Variants in PTPRS observed in about 807,000 individuals in gnomAD.
PTPRS encodes the protein protein tyrosine phosphatase receptor type S.
Under a neutral mutation model 215.3 loss-of-function variants are expected in PTPRS, and 63 were observed. That is an observed-to-expected ratio of 0.29 (90% confidence interval 0.24 to 0.36). The LOEUF is 0.36. Among genes scored for constraint, PTPRS ranks in the 10% least tolerant of loss-of-function variants. The pLI is 1.00. For synonymous variants in PTPRS, 1,404 were observed against 1,191.4 expected, an observed-to-expected ratio of 1.18 and a Z score of -3.68; for missense variants, 2,258 against 2,825.8, an observed-to-expected ratio of 0.80 and a Z score of 4.56.
intron 1 of PTPRS, among the ~76,000 whole-genome samples, chr19:5,324,510 A>G (rs2050119199): frequency 1.3e-5 from 2 of 152,124 alleles, no homozygotes; most frequent in Admixed American, 1.3e-4. Context: ...GCGGCAGCTG[A>G]TCAGACCAGG....
At chr19:5,214,156 G>A (rs1479289025) in intron 30 of PTPRS, among the ~76,000 whole-genome samples, 1 of 152,232 alleles carries the variant, frequency 6.6e-6, no homozygotes, top group African/African-American at 2.4e-5. Context: ...TTCTCCTGCC[G>A]TGGGTGGAAA....
At chr19:5,327,189 G>T (rs917141937) in intron 1 of PTPRS, among the ~76,000 whole-genome samples, 2 of 152,188 alleles carry the variant, frequency 1.3e-5, no homozygotes, top group African/African-American at 4.8e-5. Context: ...CACTCCAAGC[G>T]CAACTCAATA....
intron 1 of PTPRS, among the ~76,000 whole-genome samples, chr19:5,310,827 TC>T (rs1232064899): frequency 1.3e-5 from 2 of 152,162 alleles, no homozygotes; most frequent in East Asian, 3.8e-4. Context: ...CACCTCAGCC[TC>T]CTGAGTAGCT....
chr19:5,221,374 A>G, intron 19 of PTPRS, 121 bp from the exon 20 acceptor site: 1 of 1,346,682 alleles, frequency 7.4e-7, no homozygotes, highest in Non-Finnish European at 1.0e-6. Context: ...TGCCCTAGGC[A>G]GAAATCTAAC....
intron 1 of PTPRS, among the ~76,000 whole-genome samples, chr19:5,331,128 TAAAAA>T (rs1041351468): frequency 5.0e-5 from 5 of 100,160 alleles, no homozygotes; most frequent in African/African-American, 8.6e-5. Flanking sequence ...CTTCTTTTTT[TAAAAA>T]AAAAAAAAAA....
At chr19:5,229,840 G>A (rs866854371) in intron 14 of PTPRS, among the ~76,000 whole-genome samples, 156 bp from the exon 15 acceptor site, 2 of 151,982 alleles carry the variant, frequency 1.3e-5, no homozygotes, top group Admixed American at 1.3e-4. Context: ...GGAGGACATG[G>A]CCTCCTGCAC....
intron 10 of PTPRS, 40 bp downstream of exon 10, chr19:5,245,736 G>A: frequency 6.5e-7 from 1 of 1,530,400 alleles, no homozygotes; most frequent in Non-Finnish European, 8.8e-7. Flanking sequence ...ATCGACTCCA[G>A]CCTGCCCCTC....
At chr19:5,225,065 T>TA (rs1300367964) in intron 17 of PTPRS, among the ~76,000 whole-genome samples, 2 of 151,988 alleles carry the variant, frequency 1.3e-5, no homozygotes, top group Non-Finnish European at 2.9e-5. Context: ...ACCCTCCCCT[T>TA]ACATCTTCAC....
At chr19:5,292,080 C>T (rs1362052441) in intron 1 of PTPRS, among the ~76,000 whole-genome samples, 1 of 152,150 alleles carries the variant, frequency 6.6e-6, no homozygotes, top group East Asian at 1.9e-4. Context: ...CAGGGTGGAT[C>T]AAGACCCATT....
At chr19:5,214,216 T>C in intron 30 of PTPRS, 145 bp downstream of exon 30, 1 of 1,187,622 alleles carries the variant, frequency 8.4e-7, no homozygotes, top group Non-Finnish European at 1.2e-6. Context: ...GGAAGTGGGT[T>C]CCATGAGAAT....
intron 9 of PTPRS, among the ~76,000 whole-genome samples, chr19:5,248,214 G>C (rs946888986): frequency 6.6e-6 from 1 of 152,052 alleles, no homozygotes; most frequent in Non-Finnish European, 1.5e-5. Context: ...AAATGAGCGT[G>C]GGGGGAGCTA....
intron 17 of PTPRS, among the ~76,000 whole-genome samples, chr19:5,224,382 T>C (rs1283187087): frequency 6.6e-6 from 1 of 152,144 alleles, no homozygotes; most frequent in Non-Finnish European, 1.5e-5. Context: ...CCTCCTTCCA[T>C]TAATAAGGCA....
intron 1 of PTPRS, among the ~76,000 whole-genome samples, chr19:5,291,094 GA>G (rs1158222318): frequency 2.6e-5 from 4 of 152,048 alleles, no homozygotes; most frequent in Non-Finnish European, 5.9e-5. Flanking sequence ...GAAGTCCGGG[GA>G]CCTGGCTTTA....
chr19:5,218,293 C>T lies in PTPRS; in HGVS notation c.4048+127G>A, dbSNP rs903505870. 12 of 783,838 alleles carry T rather than the reference C, an allele frequency of 1.5e-5. No homozygotes were observed. In the African/African-American group the frequency reaches 1.9e-4, roughly 13 times the overall value. The allele number at this position is 783,838 out of a possible 1,614,324, so 48.6% of individuals were successfully genotyped here. ...GTAGGGTTGGAGGTATTTGGGAATC[C>T]AGAATGTGGCTGCACCAAGCATAGT... On this transcript the variant is annotated intron_variant, in intron 25 of 37. Transcript: ENST00000262963.
In PTPRS at chr19:5,316,559, A is replaced by G. The variant is rs997196875; in HGVS notation, c.-95+24105T>C. Among the ~76,000 whole-genome samples, 10 of 151,874 alleles carry G rather than the reference A, an allele frequency of 6.6e-5. No individual in the cohort carries two copies. The East Asian group carries it at 1.7e-3, about 27-fold the overall frequency. ...AGACTCACGCCACCACGCCCGGCTA[A>G]TTTTTTTATTTTTAGTAGAGAAGAG... On this transcript the variant is annotated intron_variant, in intron 1 of 37. Coordinates refer to ENST00000262963, the MANE Select transcript of PTPRS (RefSeq NM_002850.4).
chr19:5,229,270 G>A (rs1056168672), intron 16 of PTPRS, 46 bp downstream of exon 16: 4 of 1,364,996 alleles, frequency 2.9e-6, no homozygotes, highest in Non-Finnish European at 1.9e-6. Context: ...AGCACGGCCC[G>A]CGGGAAGCGC....
At chr19:5,215,663 G>A in intron 26 of PTPRS, 68 bp from the exon 27 acceptor site, 4 of 1,099,284 alleles carry the variant, frequency 3.6e-6, no homozygotes, top group Non-Finnish European at 5.3e-6. Flanking sequence ...CGGGGGAGGG[G>A]GGTGATCTAC....
Position 5,324,226 on chromosome 19 carries a change from CAAAAAAAAAAA to C in PTPRS, c.-95+16427_-95+16437del, listed in dbSNP as rs55793961. 8.1e-5 allele frequency among the ~76,000 whole-genome samples: 6 copies of C among 73,878 alleles called. No homozygotes were observed. The Admixed American group carries it at 9.2e-4, about 11-fold the overall frequency. The allele number at this position is 73,878 out of a possible 152,430, so 48.5% of individuals were successfully genotyped here. The stretch of plus-strand genomic sequence containing the variant: ...TGGGAGACAGAGCGAAACCCTGCCT[CAAAAAAAAAAA>C]AAAAAAAAAAAAAAGAAAGAAAAAA... On this transcript the variant is annotated intron_variant, in intron 1 of 37. Transcript: ENST00000262963.
At chr19:5,336,480 C>G (rs1301457219) in intron 1 of PTPRS, among the ~76,000 whole-genome samples, 3 of 152,100 alleles carry the variant, frequency 2.0e-5, no homozygotes, top group Non-Finnish European at 4.4e-5. Flanking sequence ...AGATGACATG[C>G]ATTTGAGCCT....
Sources: gnomAD v4.1 joint callset for allele counts (sites outside exome capture counted in the v4.1 genomes callset) on GRCh38, gnomAD v4.1.1 for gene constraint, MANE v1.5 for transcripts, NCBI Gene and HGNC (gene_info 2026-07-23, HGNC 2026-07-21) for gene names.